Variants in GRM8 observed in about 807,000 individuals in gnomAD.
The protein encoded by GRM8 is metabotropic glutamate receptor 8.
In GRM8, 47 loss-of-function variants were observed where a neutral mutation model predicts 87.2. The ratio of observed to expected loss-of-function variants is 0.54; its 90% CI spans 0.43 to 0.69. The LOEUF (loss-of-function observed/expected upper bound fraction) is 0.69, where lower values mean the gene tolerates loss of function less well. Among genes scored for constraint, GRM8 ranks in the 30% least tolerant of loss-of-function variants. GRM8 has a pLI of 0.00. For synonymous variants in GRM8, 396 were observed against 404.5 expected (o/e 0.98, Z 0.25); for missense variants, 1,019 against 1,139.2 (o/e 0.89, Z 1.52).
intron 7 of GRM8, among the ~76,000 whole-genome samples, chr7:126,631,704 A>G (rs952329505): frequency 3.3e-5 from 5 of 152,126 alleles, no homozygotes; most frequent in African/African-American, 7.2e-5. Context: ...CAATATAACG[A>G]ATAGAGACTC....
intron 3 of GRM8, among the ~76,000 whole-genome samples, chr7:127,019,447 G>T (rs150242787): frequency 1.1e-3 from 170 of 152,170 alleles, no homozygotes; most frequent in African/African-American, 3.9e-3. Context: ...TAACATGAAA[G>T]AATTATCTTA....
intron 2 of GRM8, among the ~76,000 whole-genome samples, chr7:127,223,618 T>C (rs1351500297): frequency 6.6e-6 from 1 of 151,822 alleles, no homozygotes; most frequent in African/African-American, 2.4e-5. Context: ...CTCTGCTAGG[T>C]GGCAATGTGG....
At chr7:126,864,693 G>T (rs1349214924) in intron 6 of GRM8, among the ~76,000 whole-genome samples, 3 of 151,814 alleles carry the variant, frequency 2.0e-5, no homozygotes, top group African/African-American at 7.3e-5. Flanking sequence ...TTCTAGACTT[G>T]ATTATTTGCT....
chr7:127,239,947 C>T (rs967666740), intron 2 of GRM8, among the ~76,000 whole-genome samples: 5 of 152,174 alleles, frequency 3.3e-5, no homozygotes, highest in African/African-American at 1.2e-4. Flanking sequence ...GTAGGTTAAA[C>T]GCGCACTCTG....
At chr7:127,075,040 C>T (rs1822114947) in intron 3 of GRM8, among the ~76,000 whole-genome samples, 1 of 152,160 alleles carries the variant, frequency 6.6e-6, no homozygotes, top group Admixed American at 6.5e-5. Flanking sequence ...GGTGTGTTTC[C>T]TTCCTATAGA....
chr7:127,130,766 G>A (rs1036760538), intron 2 of GRM8, among the ~76,000 whole-genome samples: 4 of 152,080 alleles, frequency 2.6e-5, no homozygotes, highest in African/African-American at 9.7e-5. Flanking sequence ...GGAAGGTGAT[G>A]GGATCATGGG....
At chr7:126,804,865 C>T (rs1389993624) in intron 6 of GRM8, among the ~76,000 whole-genome samples, 1 of 152,172 alleles carries the variant, frequency 6.6e-6, no homozygotes, top group African/African-American at 2.4e-5. Context: ...CTTTCAGAAT[C>T]TTAACCAACT....
chr7:126,672,620 G>A (rs893770639), intron 7 of GRM8, among the ~76,000 whole-genome samples: 18 of 152,174 alleles, frequency 1.2e-4, no homozygotes, highest in African/African-American at 4.3e-4. Context: ...AGCTCAGCGG[G>A]AAAGGAACCC....
At position 126,811,568 on chromosome 7, in the gene GRM8, C is replaced by T. The variant is rs1167243419; in HGVS notation, c.1157-41503G>A. ...AGTGTTTTGTAGTTTTCCTTGTAGA[C>T]ATCGTTCACTTCCTTGGTTAAATAT... On this transcript the variant is annotated intron_variant, in intron 6 of 10. Coordinates refer to ENST00000339582, the MANE Select transcript of GRM8 (RefSeq NM_000845.3). Among the ~76,000 whole-genome samples, 5 of 151,888 alleles carry T rather than the reference C, an allele frequency of 3.3e-5. No individual in the cohort carries two copies. In the South Asian group the frequency reaches 8.3e-4, roughly 25 times the overall value.
chr7:126,759,136 G>C (rs954115347), intron 7 of GRM8, among the ~76,000 whole-genome samples: 9 of 152,006 alleles, frequency 5.9e-5, no homozygotes, highest in Non-Finnish European at 1.0e-4. Context: ...GACTTCAAGT[G>C]ATCCACCCAC....
chr7:126,944,648 A>C (rs1807335614), intron 3 of GRM8, among the ~76,000 whole-genome samples: 1 of 152,248 alleles, frequency 6.6e-6, no homozygotes, highest in South Asian at 2.1e-4. Context: ...AGTTTCTGTT[A>C]TGACCTCAAT....
intron 2 of GRM8, among the ~76,000 whole-genome samples, chr7:127,210,152 C>A (rs1482949616): frequency 6.6e-6 from 1 of 152,132 alleles, no homozygotes; most frequent in African/African-American, 2.4e-5. Context: ...AAGACAAACC[C>A]ACAGTAGCTC....
chr7:127,090,826 T>A (rs1317129469), intron 3 of GRM8: 4 of 152,214 alleles, frequency 2.6e-5, no homozygotes, highest in Non-Finnish European at 4.4e-5. Flanking sequence ...TACAGAACAA[T>A]TTTTATGTGG....
At chr7:126,648,027 A>G (rs748711747) in intron 7 of GRM8, among the ~76,000 whole-genome samples, 3 of 152,192 alleles carry the variant, frequency 2.0e-5, no homozygotes, top group Non-Finnish European at 4.4e-5. Context: ...TAGCTGCATC[A>G]TATGTGCCAT....
chr7:127,082,517 G>A (rs570271126), intron 3 of GRM8, among the ~76,000 whole-genome samples: 1 of 151,940 alleles, frequency 6.6e-6, no homozygotes, highest in Non-Finnish European at 1.5e-5. Context: ...GAAATAATTC[G>A]ACCAGTCAAT....
chr7:126,661,610 G>A (rs903789652), intron 7 of GRM8, among the ~76,000 whole-genome samples: 2 of 152,310 alleles, frequency 1.3e-5, no homozygotes, highest in African/African-American at 4.8e-5. Context: ...TGAAGAGCCT[G>A]AGAATGGAAG....
chr7:126,782,278 C>T (rs1315938130), intron 6 of GRM8, among the ~76,000 whole-genome samples: 1 of 152,012 alleles, frequency 6.6e-6, no homozygotes, highest in Admixed American at 6.6e-5. Context: ...TCTAGTATTC[C>T]ACAAAGGTGA....
intron 8 of GRM8, among the ~76,000 whole-genome samples, chr7:126,546,585 G>C (rs1188856330): frequency 6.6e-6 from 1 of 152,154 alleles, no homozygotes; most frequent in Non-Finnish European, 1.5e-5. Flanking sequence ...AGTTCACTGA[G>C]AATAGAAAAG....
intron 2 of GRM8, among the ~76,000 whole-genome samples, chr7:127,125,534 T>A (rs2106183): frequency 0.7 from 106,392 of 151,670 alleles, 39,035 homozygotes; most frequent in African/African-American, 0.89. Flanking sequence ...TCTAGGGAAA[T>A]CTCTTCAGGA....
Sources: gnomAD v4.1 joint callset for allele counts (sites outside exome capture counted in the v4.1 genomes callset) on GRCh38, gnomAD v4.1.1 for gene constraint, MANE v1.5 for transcripts, NCBI Gene and HGNC (gene_info 2026-07-23, HGNC 2026-07-21) for gene names.